The following ADK variants were observed in gnomAD, a reference collection of about 807,000 sequenced individuals.
The protein encoded by ADK is adenosine kinase.
Under a neutral mutation model 44.7 loss-of-function variants are expected in ADK, and 24 were observed. The ratio of observed to expected loss-of-function variants is 0.54; its 90% CI spans 0.39 to 0.76. ADK has a LOEUF of 0.76. Among genes scored for constraint, ADK ranks in the 30% least tolerant of loss-of-function variants. ADK has a pLI of 0.00. For synonymous variants in ADK, 128 were observed against 142.6 expected (o/e 0.90, Z 0.73); for missense variants, 321 against 425.1 (o/e 0.76, Z 2.15).
At chr10:74,509,742 C>T (rs79634176) in intron 6 of ADK, among the ~76,000 whole-genome samples, 7,041 of 152,158 alleles carry the variant, frequency 0.046, 566 homozygotes, top group African/African-American at 0.16. Flanking sequence ...TCCTTTCCCC[C>T]TACTTTCCCA....
chr10:74,567,863 TA>T (rs1241737438), intron 7 of ADK, among the ~76,000 whole-genome samples: 5 of 152,014 alleles, frequency 3.3e-5, no homozygotes, highest in Non-Finnish European at 7.4e-5. Context: ...CACGCCCAGC[TA>T]ATTTTTTTGT....
chr10:74,189,312 A>G (rs1842881747), intron 1 of ADK, among the ~76,000 whole-genome samples: 1 of 152,124 alleles, frequency 6.6e-6, no homozygotes, highest in South Asian at 2.1e-4. Flanking sequence ...TTGTTGACAT[A>G]TTGTGTACAT....
intron 3 of ADK, among the ~76,000 whole-genome samples, chr10:74,288,020 A>G: frequency 6.6e-6 from 1 of 151,824 alleles, no homozygotes; most frequent in Admixed American, 6.6e-5. Flanking sequence ...AAAATTTTTA[A>G]GTACTTTTTT....
chr10:74,451,779 A>C (rs78610700), intron 6 of ADK, among the ~76,000 whole-genome samples: 2,652 of 152,226 alleles, frequency 0.017, 79 homozygotes, highest in African/African-American at 0.061. Flanking sequence ...GATAGAACAA[A>C]ATCATCCTAA....
rs533459835 is a variant in ADK, at chr10:74,314,780, A to G, written c.273+35A>G. 10 of 1,429,604 alleles carry G rather than the reference A, an allele frequency of 7.0e-6. No individual in the cohort carries two copies. The South Asian group carries it at 1.0e-4, about 15-fold the overall frequency. The allele number at this position is 1,429,604 out of a possible 1,614,324, so 88.6% of individuals were successfully genotyped here. A position where few individuals can be genotyped will look rare whatever the true frequency, so the allele number is the denominator to read the frequency against. Reference sequence around the variant, plus strand: ...TTATTTTAAAAGTTAAAAGGATTCAAAATGATTCTAGACCCATGTCTATTT... The same window carrying G: ...TTATTTTAAAAGTTAAAAGGATTCAGAATGATTCTAGACCCATGTCTATTT... On this transcript the variant is annotated intron_variant, in intron 4 of 10. Transcript: ENST00000539909.
chr10:74,342,815 G>GTT (rs947829229), intron 4 of ADK, among the ~76,000 whole-genome samples: 3 of 151,344 alleles, frequency 2.0e-5, no homozygotes, highest in African/African-American at 7.3e-5. Flanking sequence ...GTGTGTGTGT[G>GTT]TTTTAATATT....
chr10:74,271,667 G>GT (rs1846436248), intron 3 of ADK, among the ~76,000 whole-genome samples: 1 of 144,338 alleles, frequency 6.9e-6, no homozygotes, highest in Non-Finnish European at 1.5e-5. Context: ...GCGGTGTTTG[G>GT]TTTTTTGTCC....
intron 1 of ADK, among the ~76,000 whole-genome samples, chr10:74,180,217 A>T (rs1842485987): frequency 9.5e-6 from 1 of 104,784 alleles, no homozygotes; most frequent in African/African-American, 2.9e-5. Context: ...TTTTATTATT[A>T]TTATTATTAT....
At chr10:74,406,178 A>G (rs1407718869) in intron 6 of ADK, among the ~76,000 whole-genome samples, 1 of 152,020 alleles carries the variant, frequency 6.6e-6, no homozygotes, top group Non-Finnish European at 1.5e-5. Flanking sequence ...TGTATTAAAA[A>G]CCATTGTTTC....
intron 7 of ADK, among the ~76,000 whole-genome samples, chr10:74,567,593 A>G (rs1850718822): frequency 6.6e-6 from 1 of 151,962 alleles, no homozygotes; most frequent in Non-Finnish European, 1.5e-5. Context: ...TTTCTTATAC[A>G]TATAACAACT....
chr10:74,294,355 C>T (rs542170540), intron 3 of ADK, among the ~76,000 whole-genome samples: 15 of 150,552 alleles, frequency 1.0e-4, no homozygotes, highest in South Asian at 4.2e-4. Context: ...GGCACAGTCT[C>T]GGCTCATTGC....
chr10:74,513,931 A>G (rs1249901650), intron 6 of ADK, among the ~76,000 whole-genome samples: 1 of 152,084 alleles, frequency 6.6e-6, no homozygotes, highest in African/African-American at 2.4e-5. Flanking sequence ...ACATATTTTC[A>G]TGATGGTGAT....
chr10:74,190,274 C>G (rs1403158089), intron 1 of ADK, among the ~76,000 whole-genome samples: 1 of 152,232 alleles, frequency 6.6e-6, no homozygotes, highest in Non-Finnish European at 1.5e-5. Context: ...CTGAGAGGCT[C>G]TGTGTGCTTG....
intron 1 of ADK, among the ~76,000 whole-genome samples, chr10:74,166,342 A>T (rs1292622026): frequency 2.0e-5 from 3 of 152,092 alleles, no homozygotes; most frequent in Non-Finnish European, 4.4e-5. Flanking sequence ...ATTTTTTGAG[A>T]TGGGGTCTTA....
intron 7 of ADK, among the ~76,000 whole-genome samples, chr10:74,563,697 T>C (rs74146376): frequency 6.6e-6 from 1 of 152,150 alleles, no homozygotes; most frequent in African/African-American, 2.4e-5. Context: ...TGTATACATA[T>C]GTCTAAATAT....
At chr10:74,385,977 G>A (rs1388753173) in intron 4 of ADK, among the ~76,000 whole-genome samples, 2 of 152,112 alleles carry the variant, frequency 1.3e-5, no homozygotes, top group African/African-American at 4.8e-5. Context: ...CAATGGAGCA[G>A]TTTTTTAAGG....
intron 9 of ADK, among the ~76,000 whole-genome samples, chr10:74,617,755 T>C (rs1227363239): frequency 6.6e-6 from 1 of 151,796 alleles, no homozygotes; most frequent in Admixed American, 6.6e-5. Flanking sequence ...ACCACCACGC[T>C]AATTTTTTAA....
intron 10 of ADK, among the ~76,000 whole-genome samples, chr10:74,683,589 T>C (rs1855693610): frequency 6.6e-6 from 1 of 152,080 alleles, no homozygotes; most frequent in South Asian, 2.1e-4. Flanking sequence ...TGTCTCTAAA[T>C]ATGAGGGAAA....
intron 9 of ADK, among the ~76,000 whole-genome samples, chr10:74,662,633 A>C (rs184979453): frequency 1.3e-5 from 2 of 152,078 alleles, no homozygotes; most frequent in African/African-American, 4.8e-5. Flanking sequence ...AAAACTTTCC[A>C]ACAGTTTCCC....
Sources: gnomAD v4.1 joint callset for allele counts (sites outside exome capture counted in the v4.1 genomes callset) on GRCh38, gnomAD v4.1.1 for gene constraint, MANE v1.5 for transcripts, NCBI Gene and HGNC (gene_info 2026-07-23, HGNC 2026-07-21) for gene names.